SEMA4F: variants seen among roughly 807,000 people sequenced by gnomAD.
SEMA4F encodes ssemaphorin 4F.
SEMA4F carries 51 observed loss-of-function variants against 78.4 expected under a neutral mutation model. That is an observed-to-expected ratio of 0.65 (90% CI 0.52 to 0.82). The LOEUF (loss-of-function observed/expected upper bound fraction) is 0.82, where lower values mean the gene tolerates loss of function less well. SEMA4F is among the 40% of genes least tolerant of loss of function. SEMA4F has a pLI of 0.00. For missense variants in SEMA4F, 938 were observed against 1,014.4 expected (o/e 0.92, Z 1.02); for synonymous variants, 418 against 408.7 (o/e 1.02, Z -0.27).
rs1158533475 is a variant in SEMA4F at position 74,681,225 on chromosome 2, C to G, written c.*1016C>G. The G allele has an allele frequency of 6.6e-6, 1 of 152,612 alleles. No individual in the cohort carries two copies. The highest frequency in any genetic ancestry group is 1.5e-5 in the Non-Finnish European group (1 of 68,042). 9.5% of individuals were successfully genotyped at this position (152,612 alleles called of 1,614,324 possible). A position where few individuals can be genotyped will look rare whatever the true frequency, so the allele number is the denominator to read the frequency against. On this transcript the variant is annotated 3_prime_UTR_variant, in exon 14 of 14. Transcript: ENST00000357877. ...GATACGTTTGCAATCAGTGACTACT[C>G]AGGGTGACACCCTTGCCCTAAAGCA...
At chr2:74,684,647 C>T (rs1685775184), downstream of SEMA4F, among the ~76,000 whole-genome samples, 1 of 152,138 alleles carries the variant, frequency 6.6e-6, no homozygotes, top group Non-Finnish European at 1.5e-5. Flanking sequence ...GCTCAGACCA[C>T]AGTACTAAGC....
rs374118601 is a variant in SEMA4F at position 74,675,570 on chromosome 2, G to T, written c.1418G>T (p.Ser473Ile). The T allele has an allele frequency of 1.4e-5, 23 of 1,614,104 alleles. No individual in the cohort carries two copies. The highest frequency in any genetic ancestry group is 1.9e-5 in the Non-Finnish European group (23 of 1,180,048). The change falls in exon 11 of 14, where the codon AGC becomes ATC. Residue 473 changes from serine to isoleucine, a missense_variant. Coordinates refer to ENST00000357877, the MANE Select transcript of SEMA4F (RefSeq NM_004263.5). ...GCAGTGCGGATCGGAGCTCAGCTCA[G>T]CGTTCTTGAAGATCTGGCCTTATTC... is the stretch of plus-strand genomic sequence containing the variant. ...HRAVRIGAQL[S>I]VLEDLALFPE...
Position 74,679,727 on chromosome 2 carries a change from C to A in SEMA4F, c.1831C>A (p.Arg611=), listed in dbSNP as rs753127222. The A allele has an allele frequency of 6.2e-7, 1 of 1,614,142 alleles. No individual in the cohort carries two copies. Among genetic ancestry groups the A allele is most frequent in the South Asian group, 1.1e-5 (1 of 91,084 alleles). The change falls in exon 14 of 14, where the codon CGG becomes AGG. Residue 611 remains arginine (R), a synonymous_variant. Coordinates refer to ENST00000357877, the MANE Select transcript of SEMA4F (RefSeq NM_004263.5). ...PSGVTALTPR[R]DGLEVVVTPG... is the part of the protein sequence containing the mutation. ...TGGAGTGACTGCACTCACCCCCCGG[C>A]GGGATGGACTGGAGGTGGTGGTGAC...
At chr2:74,659,892 T>TA (rs1304232387) in intron 4 of SEMA4F, among the ~76,000 whole-genome samples, 1 of 152,190 alleles carries the variant, frequency 6.6e-6, no homozygotes, top group Non-Finnish European at 1.5e-5. Flanking sequence ...GGTTCTTACA[T>TA]AAAGGAAATT....
intron 12 of SEMA4F, among the ~76,000 whole-genome samples, chr2:74,677,730 A>G (rs777821644): frequency 3.7e-4 from 57 of 152,318 alleles, no homozygotes; most frequent in Non-Finnish European, 6.3e-4. Context: ...ATACTACAGA[A>G]CCTCAAGTAT....
chr2:74,681,422 T>C lies in SEMA4F; in HGVS notation c.*1213T>C, dbSNP rs1173347858. On this transcript the variant is annotated 3_prime_UTR_variant, in exon 14 of 14. Transcript: ENST00000357877. ...CTGAGGTTACTGCACTGAGGCCAAG[T>C]TAGGATGGCATCACTCTGTGGCAGC... The C allele has an allele frequency of 6.6e-6, 1 of 152,622 alleles. No individual in the cohort carries two copies. Among genetic ancestry groups the C allele is most frequent in the Non-Finnish European group, 1.5e-5 (1 of 68,034 alleles). 9.5% of individuals were successfully genotyped at this position (152,622 alleles called of 1,614,324 possible).
In SEMA4F at chr2:74,679,839, G is replaced by A. The variant is rs1324582350; in HGVS notation, c.1943G>A (p.Ser648Asn). ...GCAGCTTACAGCTTGGTATGGGGCA[G>A]CCAGCGAGATGCTCCGAGCCGGGCC... ...VVAAYSLVWG[S>N]QRDAPSRAHT... is the part of the protein sequence containing the mutation. The change falls in exon 14 of 14, where the codon AGC becomes AAC. Residue 648 changes from serine to asparagine, a missense_variant. Coordinates refer to ENST00000357877, the MANE Select transcript of SEMA4F (RefSeq NM_004263.5). The A allele has an allele frequency of 6.2e-7, 1 of 1,614,206 alleles. No homozygotes were observed. Among genetic ancestry groups the A allele is most frequent in the Non-Finnish European group, 8.5e-7 (1 of 1,180,026 alleles).
intron 12 of SEMA4F, among the ~76,000 whole-genome samples, chr2:74,678,212 T>C (rs1373378432): frequency 6.6e-6 from 1 of 152,204 alleles, no homozygotes; most frequent in East Asian, 1.9e-4. Flanking sequence ...CCTCTATACT[T>C]GAGCCTCAAG....
chr2:74,677,309 C>T (rs1685346167), intron 12 of SEMA4F, among the ~76,000 whole-genome samples: 1 of 152,210 alleles, frequency 6.6e-6, no homozygotes, highest in South Asian at 2.1e-4. Context: ...CAACAACCAT[C>T]AGCTCCTGGT....
intron 5 of SEMA4F, among the ~76,000 whole-genome samples, chr2:74,664,191 T>C (rs1684571547): frequency 6.6e-6 from 1 of 152,208 alleles, no homozygotes; most frequent in South Asian, 2.1e-4. Flanking sequence ...TAATGGAAAT[T>C]TTATGAGCAT....
At chr2:74,706,627 C>T in the SEMA4F span, among the ~76,000 whole-genome samples, 799 of 152,212 alleles carry the variant, frequency 5.2e-3, 11 homozygotes, top group African/African-American at 0.018. Flanking sequence ...CTGGAGTAGA[C>T]GTGGGGAAGT....
At chr2:74,701,743 C>G in the SEMA4F span, among the ~76,000 whole-genome samples, 1 of 152,194 alleles carries the variant, frequency 6.6e-6, no homozygotes, top group African/African-American at 2.4e-5. Flanking sequence ...TCACATCACA[C>G]TATGAAATCT....
chr2:74,654,350 C>T lies in SEMA4F; in HGVS notation c.-27C>T, dbSNP rs1012315370. On this transcript the variant is annotated 5_prime_UTR_variant, in exon 1 of 14. Coordinates refer to ENST00000357877, the MANE Select transcript of SEMA4F (RefSeq NM_004263.5). Reference sequence around the variant, plus strand: ...CCTGAGCAGAGGCCGTAGCTTGCGCCGCACCCGCGGCCAGGCGGAGCCAAA... The same window carrying T: ...CCTGAGCAGAGGCCGTAGCTTGCGCTGCACCCGCGGCCAGGCGGAGCCAAA... 5 of 1,459,460 alleles carry T rather than the reference C, an allele frequency of 3.4e-6. No individual in the cohort carries two copies. The highest frequency in any genetic ancestry group is 3.0e-5 in the African/African-American group (2 of 67,520). 90.4% of individuals were successfully genotyped at this position (1,459,460 alleles called of 1,614,324 possible).
downstream of SEMA4F, among the ~76,000 whole-genome samples, chr2:74,684,514 A>C (rs1361205399): frequency 1.3e-5 from 2 of 152,186 alleles, no homozygotes; most frequent in African/African-American, 4.8e-5. Flanking sequence ...AACTTGGCTA[A>C]CCATAGGTAG....
At chr2:74,655,019 G>A (rs1436891387) in intron 1 of SEMA4F, among the ~76,000 whole-genome samples, 1 of 152,182 alleles carries the variant, frequency 6.6e-6, no homozygotes, top group Non-Finnish European at 1.5e-5. Flanking sequence ...CTCCAGGTCA[G>A]CATTTCCATC....
At chr2:74,657,504 A>G in intron 2 of SEMA4F, 61 bp from the exon 3 acceptor site, 1 of 1,514,480 alleles carries the variant, frequency 6.6e-7, no homozygotes, top group Non-Finnish European at 9.2e-7. Context: ...AATCTCCTCT[A>G]ACATCGAGGG....
At chr2:74,702,869 A>T in the SEMA4F span, among the ~76,000 whole-genome samples, 1 of 152,244 alleles carries the variant, frequency 6.6e-6, no homozygotes, top group Non-Finnish European at 1.5e-5. Flanking sequence ...TAAAGAAATT[A>T]TCCTGAAATG....
At chr2:74,697,247 G>T in the SEMA4F span, among the ~76,000 whole-genome samples, 1 of 152,164 alleles carries the variant, frequency 6.6e-6, no homozygotes, top group South Asian at 2.1e-4. Context: ...TAGTCCTGAG[G>T]CATGCTGGGT....
At chr2:74,671,989 C>G (rs1685013341) in intron 5 of SEMA4F, among the ~76,000 whole-genome samples, 1 of 152,246 alleles carries the variant, frequency 6.6e-6, no homozygotes, top group Non-Finnish European at 1.5e-5. Flanking sequence ...GGGCCTTTCA[C>G]TCTTGCCTGG....
Sources: allele counts gnomAD v4.1 joint callset (sites outside exome capture counted in the v4.1 genomes callset), GRCh38; gene constraint gnomAD v4.1.1; transcripts MANE v1.5; gene names NCBI Gene and HGNC (gene_info 2026-07-23, HGNC 2026-07-21).